INPP1: variants seen among roughly 807,000 people sequenced by gnomAD.
The protein encoded by INPP1 is inositol polyphosphate-1-phosphatase, also known as inositol polyphosphate 1-phosphatase.
INPP1 carries 18 observed loss-of-function variants against 23.0 expected under a neutral mutation model. The ratio of observed to expected loss-of-function variants is 0.78; its 90% CI spans 0.54 to 1.16. The LOEUF is 1.16. Among genes scored for constraint, INPP1 ranks in the 50% most tolerant of loss-of-function variants. The pLI is 0.00. For synonymous variants in INPP1, 164 were observed against 176.3 expected (o/e 0.93, Z 0.55); for missense variants, 448 against 482.1 (o/e 0.93, Z 0.66).
At chr2:190,353,181 C>T (rs1689356613) in intron 2 of INPP1, among the ~76,000 whole-genome samples, 1 of 152,154 alleles carries the variant, frequency 6.6e-6, no homozygotes, top group Non-Finnish European at 1.5e-5. Context: ...TACAACCAGG[C>T]TCTTCACATG....
chr2:190,357,385 G>C (rs976343377), intron 2 of INPP1, among the ~76,000 whole-genome samples: 5 of 152,116 alleles, frequency 3.3e-5, no homozygotes, highest in South Asian at 2.1e-4. Context: ...CCATTACTCA[G>C]TTATAACTAC....
At chr2:190,361,123 A>G (rs948659052) in intron 3 of INPP1, among the ~76,000 whole-genome samples, 2 of 128,604 alleles carry the variant, frequency 1.6e-5, no homozygotes, top group Non-Finnish European at 3.2e-5. Context: ...TACTATTACA[A>G]TGCAATGGGT....
intron 3 of INPP1, among the ~76,000 whole-genome samples, chr2:190,362,081 A>T (rs1420214794): frequency 1.3e-5 from 2 of 152,184 alleles, no homozygotes; most frequent in Non-Finnish European, 2.9e-5. Flanking sequence ...TGGCCAATAA[A>T]ATCTTTCTCT....
At chr2:190,369,374 C>G in intron 6 of INPP1, 97 bp downstream of exon 6, 5 of 577,916 alleles carry the variant, frequency 8.7e-6, no homozygotes, top group South Asian at 3.7e-5. Flanking sequence ...ATTCCCATGA[C>G]TTAACACATG....
rs1302030871 is a variant in INPP1 at position 190,355,876 on chromosome 2, G to T, written c.-64-4163G>T. Among the ~76,000 whole-genome samples, 1 of 152,010 alleles carries T rather than the reference G, an allele frequency of 6.6e-6. No individual in the cohort carries two copies. Among genetic ancestry groups the T allele is most frequent in the Admixed American group, 6.6e-5 (1 of 15,256 alleles). On this transcript the variant is annotated intron_variant, in intron 2 of 6. Transcript: ENST00000392329. The surrounding 1 kb of genome is among the most constrained non-coding windows in gnomAD (Gnocchi z 5.1). ...CTGTACAACAAACCCCATGACATGGGTTTAGCTATATAACAAACCTGCACA... is the reference window on the plus strand; with the variant it reads ...CTGTACAACAAACCCCATGACATGGTTTTAGCTATATAACAAACCTGCACA...
rs1193956020 is a variant in INPP1 at position 190,367,359 on chromosome 2, A to G, written c.466+464A>G. On this transcript the variant is annotated intron_variant, in intron 5 of 6. Coordinates refer to ENST00000392329, the MANE Select transcript of INPP1 (RefSeq NM_001128928.2). The surrounding 1 kb of genome is among the most constrained non-coding windows in gnomAD (Gnocchi z 4.1). ...AGAGAAACCAAAATCCAAGGTTTTC[A>G]GCGATATATCCCAATTTCTAACCGT... is the stretch of plus-strand genomic sequence containing the variant. Among the ~76,000 whole-genome samples the G allele has an allele frequency of 1.3e-5, 2 of 152,212 alleles. No individual in the cohort carries two copies. The highest frequency in any genetic ancestry group is 1.5e-5 in the Non-Finnish European group (1 of 68,040).
At chr2:190,370,599 G>A (rs1192810015) in intron 6 of INPP1, among the ~76,000 whole-genome samples, 1 of 152,170 alleles carries the variant, frequency 6.6e-6, no homozygotes, top group Non-Finnish European at 1.5e-5. Context: ...TGTTGTCCTA[G>A]ATTGATGTGA....
intron 3 of INPP1, among the ~76,000 whole-genome samples, chr2:190,361,684 T>C (rs758442831): frequency 2.6e-5 from 4 of 152,216 alleles, no homozygotes; most frequent in Admixed American, 2.6e-4. Context: ...AATATCTTTA[T>C]TTCATGAGGC....
chr2:190,353,014 A>G (rs1689351216), intron 2 of INPP1, among the ~76,000 whole-genome samples: 1 of 152,196 alleles, frequency 6.6e-6, no homozygotes, highest in Non-Finnish European at 1.5e-5. Context: ...TACTCTGTAA[A>G]GTGTTGAATT....
chr2:190,371,310 G>A lies in INPP1; in HGVS notation c.1108G>A (p.Gly370Arg), dbSNP rs758307366. The A allele has an allele frequency of 6.2e-7, 1 of 1,604,474 alleles. No homozygotes were observed. The highest frequency in any genetic ancestry group is 8.5e-7 in the Non-Finnish European group (1 of 1,174,656). Residue 370 changes from glycine (G) to arginine (R), a missense_variant, in exon 7 of 7, where the codon GGA becomes AGA. Transcript: ENST00000392329. This position sits in a 1 kb window ranked among gnomAD's most constrained non-coding sequence, Gnocchi z 5.3. Reference protein sequence around the residue: ...AAGVDRWANKGGLIAYRSRKR... With the variant: ...AAGVDRWANKRGLIAYRSRKR... ...TGGGGTGGATCGGTGGGCCAACAAG[G>A]GAGGACTCATTGCATACAGATCCAG...
Position 190,368,198 on chromosome 2 carries a change from T to A in INPP1, c.467-905T>A, listed in dbSNP as rs80198665. 6.6e-6 allele frequency among the ~76,000 whole-genome samples: 1 copy of A among 152,216 alleles called. No homozygotes were observed. The highest frequency in any genetic ancestry group is 6.5e-5 in the Admixed American group (1 of 15,284). ...TCCTGTTTCTTGGTTCCACCCTGAA[T>A]TGATTCTGTTTTTGAGCTCTTTGAG... On this transcript the variant is annotated intron_variant, in intron 5 of 6. Transcript: ENST00000392329. This position sits in a 1 kb window ranked among gnomAD's most constrained non-coding sequence, Gnocchi z 4.3.
Position 190,343,616 on chromosome 2 carries a change from G to C in INPP1, c.-554G>C, listed in dbSNP as rs905297733. ...TTGTGACGTCGCGGACGCCCGGCTC[G>C]GGCAGGCGTGGGGGGCCCGCGCGTC... On this transcript the variant is annotated 5_prime_UTR_variant, in exon 1 of 7. Coordinates refer to ENST00000392329, the MANE Select transcript of INPP1 (RefSeq NM_001128928.2). 1 of 152,150 alleles carries C rather than the reference G, an allele frequency of 6.6e-6. No homozygotes were observed. Among genetic ancestry groups the C allele is most frequent in the African/African-American group, 2.4e-5 (1 of 41,440 alleles). 9.4% of individuals were successfully genotyped at this position (152,150 alleles called of 1,614,324 possible).
At position 190,369,153 on chromosome 2, in the gene INPP1, G is replaced by A; in HGVS notation, c.517G>A (p.Gly173Arg). 6.2e-7 allele frequency: 1 copy of A among 1,606,452 alleles called. No homozygotes were observed. The highest frequency in any genetic ancestry group is 8.5e-7 in the Non-Finnish European group (1 of 1,174,594). ...KGSADIKSNQ[G>R]IFPCGLQCVT... Reference sequence around the variant, plus strand: ...TTCTGCTGACATTAAATCCAACCAGGGAATCTTCCCCTGTGGACTTCAGTG... The same window carrying A: ...TTCTGCTGACATTAAATCCAACCAGAGAATCTTCCCCTGTGGACTTCAGTG... The change falls in exon 6 of 7, where the codon GGA becomes AGA. Residue 173 changes from glycine to arginine, a missense_variant. By Grantham distance (125) the Gly-to-Arg change is moderately radical. Transcript: ENST00000392329.
At position 190,363,662 on chromosome 2, in the gene INPP1, A is replaced by T. The variant is rs1173026030; in HGVS notation, c.265+975A>T. On this transcript the variant is annotated intron_variant, in intron 4 of 6. Transcript: ENST00000392329. The surrounding 1 kb of genome is among the most constrained non-coding windows in gnomAD (Gnocchi z 4.4). The stretch of plus-strand genomic sequence containing the variant: ...TTTTAGTCTCCTTCATGCACCACAT[A>T]TTAAGATGCAGTTAGTTCTATGTTA... Among the ~76,000 whole-genome samples the T allele has an allele frequency of 6.6e-6, 1 of 152,222 alleles. No homozygotes were observed. The highest frequency in any genetic ancestry group is 2.4e-5 in the African/African-American group (1 of 41,454).
At chr2:190,359,939 C>CTGACCAGGT in intron 2 of INPP1, 100 bp from the exon 3 acceptor site, 2 of 621,088 alleles carry the variant, frequency 3.2e-6, no homozygotes, top group Middle Eastern at 4.4e-4. Flanking sequence ...GTTCACCAGG[C>CTGACCAGGT]TGACCAGGTT....
rs1220162548 is a variant in INPP1 at position 190,351,437 on chromosome 2, C to A, written c.-65+2406C>A. The stretch of plus-strand genomic sequence containing the variant: ...CACTCGTGTAACCATCACTCATATC[C>A]AGAACATTACCAGAGCTGCCATCAG... On this transcript the variant is annotated intron_variant, in intron 2 of 6. Transcript: ENST00000392329. Among the ~76,000 whole-genome samples the A allele has an allele frequency of 5.9e-5, 9 of 152,318 alleles. No individual in the cohort carries two copies. In the East Asian group the frequency reaches 1.7e-3, roughly 29 times the overall value.
In INPP1 at chr2:190,360,049, A is replaced by G. The variant is rs1689504275; in HGVS notation, c.-54A>G. On this transcript the variant is annotated 5_prime_UTR_variant, in exon 3 of 7. Coordinates refer to ENST00000392329, the MANE Select transcript of INPP1 (RefSeq NM_001128928.2). ...CTTGTATTTTTCCAGCTGACGGCCC[A>G]GAGGGTGGGTGCCAATTCCACCAGC... 3.8e-6 allele frequency: 6 copies of G among 1,570,144 alleles called. No homozygotes were observed. Among genetic ancestry groups the G allele is most frequent in the Non-Finnish European group, 4.4e-6 (5 of 1,142,874 alleles).
At chr2:190,357,878 T>A (rs1689447994) in intron 2 of INPP1, among the ~76,000 whole-genome samples, 1 of 152,230 alleles carries the variant, frequency 6.6e-6, no homozygotes, top group African/African-American at 2.4e-5. Context: ...TCTCGTTGCT[T>A]GTATGCCCTT....
Position 190,352,189 on chromosome 2 carries a change from C to T in INPP1, c.-65+3158C>T, listed in dbSNP as rs553425956. ...TAGGTCGAGAAAGCAGGAAGAAGGG[C>T]GTGTCAACCAGAGGGAGCAGCATGT... On this transcript the variant is annotated intron_variant, in intron 2 of 6. Transcript: ENST00000392329. The surrounding 1 kb of genome is among the most constrained non-coding windows in gnomAD (Gnocchi z 4.7). Among the ~76,000 whole-genome samples, 114 of 152,260 alleles carry T rather than the reference C, an allele frequency of 7.5e-4. No individual in the cohort carries two copies. The highest frequency in any genetic ancestry group is 1.4e-3 in the Non-Finnish European group (93 of 68,022).
Sources: gnomAD v4.1 joint callset for allele counts (sites outside exome capture counted in the v4.1 genomes callset) on GRCh38, gnomAD v4.1.1 for gene constraint, Gnocchi (gnomAD v3.1) non-coding constraint, MANE v1.5 for transcripts, NCBI Gene and HGNC (gene_info 2026-07-23, HGNC 2026-07-21) for gene names.